COL24A1: variants seen among roughly 807,000 people sequenced by gnomAD.
COL24A1 encodes the protein collagen type XXIV alpha 1 chain.
A neutral mutation model predicts 253.9 loss-of-function variants in COL24A1; 224 were observed. That is an observed-to-expected ratio of 0.88 (90% CI 0.79 to 0.99). The LOEUF (loss-of-function observed/expected upper bound fraction) is 0.99. Ranked by LOEUF, COL24A1 falls within the 50% of genes least tolerant of loss-of-function variation. The pLI is 0.00. For missense variants in COL24A1, 2,131 were observed against 2,068.5 expected (o/e 1.03, Z -0.59); for synonymous variants, 685 against 673.7 (o/e 1.02, Z -0.26).
At chr1:85,869,325 CAAAT>C (rs1680149651) in intron 35 of COL24A1, among the ~76,000 whole-genome samples, 1 of 152,058 alleles carries the variant, frequency 6.6e-6, no homozygotes, top group Non-Finnish European at 1.5e-5. Context: ...CTGCAACGTA[CAAAT>C]TCAGGAAATA....
In COL24A1 at chr1:86,091,675, G is replaced by C. The variant is rs80136751; in HGVS notation, c.1653+592C>G. On this transcript the variant is annotated intron_variant, in intron 6 of 59. Coordinates refer to ENST00000370571, the MANE Select transcript of COL24A1 (RefSeq NM_152890.7). ...TTAAAACTAGTTTTTACTAAAATAT[G>C]TATATGTTTGTATTGGCAGTGTTAG... is the stretch of plus-strand genomic sequence containing the variant. Among the ~76,000 whole-genome samples, 364 of 152,142 alleles carry C rather than the reference G, an allele frequency of 2.4e-3. 9 individuals carry two copies. In the East Asian group the frequency reaches 0.045, roughly 19 times the overall value.
intron 24 of COL24A1, among the ~76,000 whole-genome samples, chr1:85,943,752 A>T (rs1688972432): frequency 6.6e-6 from 1 of 152,234 alleles, no homozygotes; most frequent in South Asian, 2.1e-4. Context: ...AGAAGTGAAA[A>T]TGCAGGTTGA....
At chr1:85,779,498 A>G (rs1466078843) in intron 52 of COL24A1, among the ~76,000 whole-genome samples, 1 of 152,138 alleles carries the variant, frequency 6.6e-6, no homozygotes, top group African/African-American at 2.4e-5. Flanking sequence ...GTAGAGACAT[A>G]GAGATATAAG....
rs1491169938 is a variant in COL24A1, at chr1:86,108,620, T to TAAAGAAAAAAAAAAA, written c.1599+3946_1599+3947insTTTTTTTTTTTCTTT. On this transcript the variant is annotated intron_variant, in intron 5 of 59. Transcript: ENST00000370571. The stretch of plus-strand genomic sequence containing the variant: ...GAAAATGGAGAAACCCCATCTCTAC[T>TAAAGAAAAAAAAAAA]AAAAAAAAAAAAAAAAAAAAAAAAA... Among the ~76,000 whole-genome samples the TAAAGAAAAAAAAAAA allele has an allele frequency of 3.4e-4, 28 of 83,098 alleles. 1 individual carries two copies. The highest frequency in any genetic ancestry group is 1.3e-3 in the African/African-American group (25 of 19,468). The allele number at this position is 83,098 out of a possible 152,430, so 54.5% of individuals were successfully genotyped here.
At chr1:85,830,981 A>C (rs1675195880) in intron 43 of COL24A1, among the ~76,000 whole-genome samples, 1 of 152,122 alleles carries the variant, frequency 6.6e-6, no homozygotes, top group Admixed American at 6.6e-5. Flanking sequence ...AGTCAGTTGA[A>C]GGCTTCTTTG....
At chr1:85,815,774 GGTAA>G (rs1256641178) in intron 47 of COL24A1, among the ~76,000 whole-genome samples, 1 of 151,604 alleles carries the variant, frequency 6.6e-6, no homozygotes, top group Non-Finnish European at 1.5e-5. Context: ...AATTTAAAAG[GGTAA>G]GTTTTACTGT....
At chr1:85,774,017 T>C (rs1408489841) in intron 53 of COL24A1, among the ~76,000 whole-genome samples, 1 of 152,188 alleles carries the variant, frequency 6.6e-6, no homozygotes, top group Non-Finnish European at 1.5e-5. Flanking sequence ...TTGTCATAAA[T>C]AGCTCTTATT....
intron 31 of COL24A1, among the ~76,000 whole-genome samples, chr1:85,890,679 C>T (rs916471298): frequency 2.0e-5 from 3 of 151,888 alleles, no homozygotes; most frequent in African/African-American, 7.3e-5. Context: ...AATAATTATC[C>T]AAAATTATTT....
chr1:85,801,637 T>A (rs1238382539), intron 47 of COL24A1, among the ~76,000 whole-genome samples: 1 of 152,214 alleles, frequency 6.6e-6, no homozygotes, highest in Non-Finnish European at 1.5e-5. Context: ...TGTTGACTTT[T>A]TTAACCCTTT....
intron 57 of COL24A1, among the ~76,000 whole-genome samples, 184 bp downstream of exon 57, chr1:85,744,482 G>C (rs1664991060): frequency 6.6e-6 from 1 of 151,704 alleles, no homozygotes; most frequent in East Asian, 1.9e-4. Flanking sequence ...ATATAGCTAG[G>C]GGTGGATGAC....
intron 7 of COL24A1, among the ~76,000 whole-genome samples, chr1:86,074,737 C>G (rs979958808): frequency 6.6e-6 from 1 of 152,022 alleles, no homozygotes; most frequent in Non-Finnish European, 1.5e-5. Context: ...TGCAAAAGAA[C>G]AGAAATCATA....
chr1:85,845,584 C>G (rs1677070368), intron 39 of COL24A1, among the ~76,000 whole-genome samples: 1 of 151,628 alleles, frequency 6.6e-6, no homozygotes, highest in Non-Finnish European at 1.5e-5. Flanking sequence ...TTCAGAGAAG[C>G]AAATAAGGGG....
chr1:85,731,233 T>C (rs530884401), intron 59 of COL24A1, among the ~76,000 whole-genome samples: 2 of 152,266 alleles, frequency 1.3e-5, no homozygotes, highest in South Asian at 4.1e-4. Context: ...CCCTCTTTCT[T>C]CTCTTTTGTG....
At chr1:85,788,831 T>C (rs895981322) in intron 47 of COL24A1, among the ~76,000 whole-genome samples, 2 of 152,200 alleles carry the variant, frequency 1.3e-5, no homozygotes, top group African/African-American at 4.8e-5. Context: ...CTTTCCACAT[T>C]GCTTGTTTTT....
At position 85,885,747 on chromosome 1, in the gene COL24A1, T is replaced by C. The variant is rs1280201385; in HGVS notation, c.2976+3813A>G. On this transcript the variant is annotated intron_variant, in intron 32 of 59. Transcript: ENST00000370571. ...CCTTGGCTAAAAATATCAACAACAA[T>C]GGTGACACCAGTCCAAGGCTGGACA... Among the ~76,000 whole-genome samples, 3 of 152,240 alleles carry C rather than the reference T, an allele frequency of 2.0e-5. No individual in the cohort carries two copies. The East Asian group carries it at 5.8e-4, about 29-fold the overall frequency.
intron 33 of COL24A1, among the ~76,000 whole-genome samples, chr1:85,875,694 T>G (rs1037615222): frequency 6.7e-5 from 10 of 148,968 alleles, no homozygotes; most frequent in Non-Finnish European, 1.3e-4. Flanking sequence ...AAATAAGAGA[T>G]AAATTTATTC....
At chr1:86,086,383 G>A (rs960594557) in intron 7 of COL24A1, among the ~76,000 whole-genome samples, 13 of 151,998 alleles carry the variant, frequency 8.6e-5, no homozygotes, top group Non-Finnish European at 1.5e-4. Context: ...GAGAAACAGC[G>A]TGGCAAGCCC....
intron 3 of COL24A1, among the ~76,000 whole-genome samples, chr1:86,118,522 C>T (rs1391327899): frequency 1.3e-5 from 2 of 152,174 alleles, no homozygotes; most frequent in Non-Finnish European, 2.9e-5. Flanking sequence ...GGAAATCCTG[C>T]ATCTTACATT....
At chr1:86,117,222 T>A (rs1277631826) in intron 3 of COL24A1, among the ~76,000 whole-genome samples, 1 of 152,262 alleles carries the variant, frequency 6.6e-6, no homozygotes, top group Non-Finnish European at 1.5e-5. Context: ...AAAATTCGTA[T>A]GTTGAAATCC....
Sources: gnomAD v4.1 joint callset for allele counts (sites outside exome capture counted in the v4.1 genomes callset) on GRCh38, gnomAD v4.1.1 for gene constraint, MANE v1.5 for transcripts, NCBI Gene and HGNC (gene_info 2026-07-23, HGNC 2026-07-21) for gene names.